The following MAN2C1 variants were observed in gnomAD, a reference collection of about 807,000 sequenced individuals.
MAN2C1 encodes mannosidase alpha class 2C member 1.
In MAN2C1, 111 loss-of-function variants were observed where a neutral mutation model predicts 126.9. The observed-to-expected ratio is 0.87, with a 90% CI of 0.75 to 1.02. MAN2C1 has a LOEUF of 1.02. Among genes scored for constraint, MAN2C1 ranks in the 50% least tolerant of loss-of-function variants. The pLI is 0.00. For missense variants in MAN2C1, 1,363 were observed against 1,364.4 expected (o/e 1.00, Z 0.02); for synonymous variants, 567 against 561.5 (o/e 1.01, Z -0.14).
At position 75,358,443 on chromosome 15, in the gene MAN2C1, C is replaced by A. The variant is rs1401352489; in HGVS notation, c.2403+19G>T. 3.1e-6 allele frequency: 5 copies of A among 1,613,134 alleles called. No individual in the cohort carries two copies. Among genetic ancestry groups the A allele is most frequent in the South Asian group, 1.1e-5 (1 of 91,084 alleles). On this transcript the variant is annotated intron_variant, in intron 20 of 25. Transcript: ENST00000267978. The stretch of plus-strand genomic sequence containing the variant: ...CAAGCACACTTGGGGAAAACAGCCA[C>A]CCCCTACCCCCCGACTACCTCGGTG...
rs1251905204 is a variant in MAN2C1, at chr15:75,359,655, A to G, written c.1913T>C (p.Met638Thr). 6.2e-7 allele frequency: 1 copy of G among 1,614,116 alleles called. No homozygotes were observed. Among genetic ancestry groups the G allele is most frequent in the African/African-American group, 1.3e-5 (1 of 75,070 alleles). The change falls in exon 16 of 26, where the codon ATG (methionine) becomes ACG (threonine). Residue 638 changes from methionine to threonine, a missense_variant. Met to Thr is a moderately conservative substitution (Grantham distance 81). Transcript: ENST00000267978. ...GGCCCCGCCCGGTTTGGGCAGGGCC[A>G]TCACTTCGATCCGCTTCCAGGGCAG... is the stretch of plus-strand genomic sequence containing the variant. ...NTLPWKRIEV[M>T]ALPKPGGAHS...
In MAN2C1 at chr15:75,364,477, G is replaced by A. The variant is rs373346692; in HGVS notation, c.600+11C>T. On this transcript the variant is annotated intron_variant, in intron 5 of 25. Transcript: ENST00000267978. ...TAGAGGGTAGCAGGGGGTACAGGGG[G>A]TGTCAAGTACCTTGGCTATGCCCAG... 3.8e-6 allele frequency: 6 copies of A among 1,571,042 alleles called. No homozygotes were observed. The highest frequency in any genetic ancestry group is 1.2e-5 in the South Asian group (1 of 85,754).
Position 75,362,554 on chromosome 15 carries a change from T to A in MAN2C1, c.897+88A>T. 1 of 1,532,108 alleles carries A rather than the reference T, an allele frequency of 6.5e-7. No homozygotes were observed. The highest frequency in any genetic ancestry group is 8.9e-7 in the Non-Finnish European group (1 of 1,117,484). The allele number at this position is 1,532,108 out of a possible 1,614,324, so 94.9% of individuals were successfully genotyped here. A position where few individuals can be genotyped will look rare whatever the true frequency, so the allele number is the denominator to read the frequency against. Reference sequence around the variant, plus strand: ...TGTGGCTGAGGGTGAGGAGCAGCCCTGACCCCAGGCCTGGGAAGCCTTCAG... The same window carrying A: ...TGTGGCTGAGGGTGAGGAGCAGCCCAGACCCCAGGCCTGGGAAGCCTTCAG... On this transcript the variant is annotated intron_variant, in intron 7 of 25. Transcript: ENST00000267978. The surrounding 1 kb of genome is among the most constrained non-coding windows in gnomAD (Gnocchi z 4.5).
chr15:75,364,724 G>C, intron 4 of MAN2C1, 59 bp from the exon 5 acceptor site: 1 of 1,461,018 alleles, frequency 6.8e-7, no homozygotes, highest in Non-Finnish European at 9.1e-7. Flanking sequence ...CCGGGGACTT[G>C]GGGAAGGGGC....
chr15:75,358,339 G>T lies in MAN2C1; in HGVS notation c.2409C>A (p.His803Gln), dbSNP rs199538581. ...CPYVRFHTEVHWHEAHKFLKV... is the reference protein window; with the variant it reads ...CPYVRFHTEVQWHEAHKFLKV... ...TCAGGAACTTGTGGGCCTCATGCCAGTGTACCTGGGAGTGGGAAGGAGGGT... is the reference window on the plus strand; with the variant it reads ...TCAGGAACTTGTGGGCCTCATGCCATTGTACCTGGGAGTGGGAAGGAGGGT... Residue 803 changes from histidine (H) to glutamine (Q), a missense_variant, in exon 21 of 26, where the codon CAC becomes CAA. This residue lies in a region of MAN2C1 where 668 missense variants were observed against 650.1 expected (regional missense o/e 1.03). Coordinates refer to ENST00000267978, the MANE Select transcript of MAN2C1 (RefSeq NM_006715.4). 3 of 1,614,180 alleles carry T rather than the reference G, an allele frequency of 1.9e-6. No homozygotes were observed. The highest frequency in any genetic ancestry group is 1.3e-5 in the African/African-American group (1 of 75,064).
Position 75,362,049 on chromosome 15 carries a change from C to G in MAN2C1, c.1009-102G>C, listed in dbSNP as rs2072481429. On this transcript the variant is annotated intron_variant, in intron 8 of 25. Transcript: ENST00000267978. This position sits in a 1 kb window ranked among gnomAD's most constrained non-coding sequence, Gnocchi z 4.5. ...CCCTGCAGGAGAAGCCAGGGCTGCTCAAACATGGGAGTTACAGCCAGAACT... is the reference window on the plus strand; with the variant it reads ...CCCTGCAGGAGAAGCCAGGGCTGCTGAAACATGGGAGTTACAGCCAGAACT... 1 of 900,866 alleles carries G rather than the reference C, an allele frequency of 1.1e-6. No homozygotes were observed. Among genetic ancestry groups the G allele is most frequent in the African/African-American group, 1.6e-5 (1 of 61,034 alleles). The allele number at this position is 900,866 out of a possible 1,614,324, so 55.8% of individuals were successfully genotyped here.
Position 75,361,981 on chromosome 15 carries a change from C to A in MAN2C1, c.1009-34G>T, listed in dbSNP as rs772850285. ...GAAGGAAGTGGGAGGCAGCCCAGGT[C>A]AGCGCTGGACGGGGAGCAGGCAGGC... On this transcript the variant is annotated intron_variant, in intron 8 of 25. Transcript: ENST00000267978. The surrounding 1 kb of genome is among the most constrained non-coding windows in gnomAD (Gnocchi z 5.0). 1.3e-6 allele frequency: 2 copies of A among 1,533,602 alleles called. No individual in the cohort carries two copies. Among genetic ancestry groups the A allele is most frequent in the Non-Finnish European group, 9.0e-7 (1 of 1,107,764 alleles). 95.0% of individuals were successfully genotyped at this position (1,533,602 alleles called of 1,614,324 possible).
Position 75,368,081 on chromosome 15 carries a change from G to A in MAN2C1, c.219C>T (p.Phe73=). Residue 73 remains phenylalanine, a synonymous_variant, in exon 2 of 26, where the codon TTC becomes TTT. Coordinates refer to ENST00000267978, the MANE Select transcript of MAN2C1 (RefSeq NM_006715.4). ...DFRPAQVGDS[F]GPTWWTCWFR... Reference sequence around the variant, plus strand: ...CGCTGGGCGTTACCTACGTGGGTCCGAAGCTGTCGCCGACCTGCGCGGGGC... The same window carrying A: ...CGCTGGGCGTTACCTACGTGGGTCCAAAGCTGTCGCCGACCTGCGCGGGGC... 6.2e-7 allele frequency: 1 copy of A among 1,606,920 alleles called. No homozygotes were observed. Among genetic ancestry groups the A allele is most frequent in the Non-Finnish European group, 8.5e-7 (1 of 1,177,798 alleles).
intron 13 of MAN2C1, 171 bp from the exon 14 acceptor site, chr15:75,360,382 C>T (rs748593214): frequency 2.9e-5 from 37 of 1,294,480 alleles, no homozygotes; most frequent in Non-Finnish European, 3.8e-5. Context: ...CAGCCCAAAC[C>T]CTTCTTTCTT....
In MAN2C1 at chr15:75,359,169, C is replaced by A. The variant is rs1414033254; in HGVS notation, c.2047-16G>T. 2 of 1,613,706 alleles carry A rather than the reference C, an allele frequency of 1.2e-6. No individual in the cohort carries two copies. The highest frequency in any genetic ancestry group is 4.5e-5 in the East Asian group (2 of 44,878). On this transcript the variant is annotated splice_polypyrimidine_tract_variant and intron_variant, in intron 17 of 25. Transcript: ENST00000267978. Reference sequence around the variant, plus strand: ...AGCCATCAGTCTTTGTGGGAGGAGGCCTTGAGGCTGAGTCTGTAGGGGCTT... The same window carrying A: ...AGCCATCAGTCTTTGTGGGAGGAGGACTTGAGGCTGAGTCTGTAGGGGCTT...
rs781750818 is a variant in MAN2C1, at chr15:75,356,878, GATCC to G, written c.2568_2571del (p.Met856IlefsTer52). ...GCCAGCCCAAAGCCGTGTTCTGACA[GATCC>G]ATCCAGCGATGGGCCCACACCTGGA... On this transcript the variant is annotated frameshift_variant, in exon 22 of 26. Transcript: ENST00000267978. LOFTEE classifies it high-confidence loss of function. The surrounding 1 kb of genome is among the most constrained non-coding windows in gnomAD (Gnocchi z 5.8). 9.7e-5 allele frequency: 156 copies of G among 1,614,008 alleles called. No homozygotes were observed. Among genetic ancestry groups the G allele is most frequent in the Non-Finnish European group, 1.3e-4 (148 of 1,180,054 alleles).
At chr15:75,365,624 G>A in intron 4 of MAN2C1, 1 of 202,006 alleles carries the variant, frequency 5.0e-6, no homozygotes, top group Non-Finnish European at 1.0e-5. Context: ...TAGTAGGGAG[G>A]CTGAGGCAGG....
Position 75,359,781 on chromosome 15 carries a change from G to A in MAN2C1, c.1793-6C>T, listed in dbSNP as rs764333480. The A allele has an allele frequency of 6.2e-7, 1 of 1,613,690 alleles. No homozygotes were observed. Among genetic ancestry groups the A allele is most frequent in the African/African-American group, 1.3e-5 (1 of 74,956 alleles). On this transcript the variant is annotated splice_polypyrimidine_tract_variant and splice_region_variant and intron_variant, in intron 15 of 25. Transcript: ENST00000267978. ...ATTGCCATGGGAACGGATGTCTGAG[G>A]AAAGACTGGCTGGTCATAGGTGGGC...
chr15:75,368,534 A>C lies in MAN2C1; in HGVS notation c.50T>G (p.Val17Gly), dbSNP rs914902869. Residue 17 changes from valine (V) to glycine (G), a missense_variant, in exon 1 of 26, where the codon GTG becomes GGG. By Grantham distance (109) the Val-to-Gly change is moderately radical. This residue lies in a region of MAN2C1 where 628 missense variants were observed against 609.8 expected (regional missense o/e 1.03). Transcript: ENST00000267978. The part of the protein sequence containing the change: ...LKHWRTTLER[V>G]EKFVSPLYFT... ...GTAGAGCGGCGACACGAACTTCTCCACCCGCTCCAGCGTGGTGCGCCAGTG... is the reference window on the plus strand; with the variant it reads ...GTAGAGCGGCGACACGAACTTCTCCCCCCGCTCCAGCGTGGTGCGCCAGTG... 1.3e-6 allele frequency: 2 copies of C among 1,554,556 alleles called. No homozygotes were observed. Among genetic ancestry groups the C allele is most frequent in the Non-Finnish European group, 1.7e-6 (2 of 1,150,174 alleles).
chr15:75,365,003 C>A (rs1414721485), intron 4 of MAN2C1, among the ~76,000 whole-genome samples: 1 of 152,140 alleles, frequency 6.6e-6, no homozygotes, highest in Non-Finnish European at 1.5e-5. Context: ...TTCGGATCTC[C>A]CAGGCTCAAA....
chr15:75,361,321 C>T lies in MAN2C1; in HGVS notation c.1279G>A (p.Gly427Ser), dbSNP rs2072464319. Residue 427 changes from glycine to serine, a missense_variant, in exon 11 of 26, where the codon GGC becomes AGC. By Grantham distance (56) the Gly-to-Ser change is moderately conservative (BLOSUM62 0). Coordinates refer to ENST00000267978, the MANE Select transcript of MAN2C1 (RefSeq NM_006715.4). The surrounding 1 kb of genome is among the most constrained non-coding windows in gnomAD (Gnocchi z 5.0). ...GSRVLVHFPP[G>S]DSYGMQGSVE... ...CTGCCCTGCATCCCATAGGAGTCGC[C>T]AGGTGGGAAGTGGACCAGTACACGG... 6.4e-7 allele frequency: 1 copy of T among 1,569,076 alleles called. No individual in the cohort carries two copies. The highest frequency in any genetic ancestry group is 1.3e-5 in the African/African-American group (1 of 74,290).
chr15:75,361,164 C>T lies in MAN2C1; in HGVS notation c.1342G>A (p.Asp448Asn). ...GCACTGTGGTTGGCCCGCCCCTTGT[C>T]CCGGTTGTTGGCCACGGTCTTCAGC... ...EVLKTVANNR[D>N]KGRANHSAFL... Residue 448 changes from aspartate (D) to asparagine (N), a missense_variant, in exon 12 of 26, where the codon GAC becomes AAC. Coordinates refer to ENST00000267978, the MANE Select transcript of MAN2C1 (RefSeq NM_006715.4). This position sits in a 1 kb window ranked among gnomAD's most constrained non-coding sequence, Gnocchi z 5.0. 1 of 1,613,180 alleles carries T rather than the reference C, an allele frequency of 6.2e-7. No homozygotes were observed. Among genetic ancestry groups the T allele is most frequent in the Non-Finnish European group, 8.5e-7 (1 of 1,179,740 alleles).
In MAN2C1 at chr15:75,362,293, G is replaced by C. The variant is rs1567281547; in HGVS notation, c.1008+50C>G. ...GCCGGGAGGGCGGGGCTACCTGAGG[G>C]AAGGCTGTTGTCATACAGTTCAAGG... On this transcript the variant is annotated intron_variant, in intron 8 of 25. Transcript: ENST00000267978. The surrounding 1 kb of genome is among the most constrained non-coding windows in gnomAD (Gnocchi z 4.5). The C allele has an allele frequency of 6.5e-7, 1 of 1,532,506 alleles. No individual in the cohort carries two copies. Among genetic ancestry groups the C allele is most frequent in the Non-Finnish European group, 9.0e-7 (1 of 1,108,168 alleles). The allele number at this position is 1,532,506 out of a possible 1,614,324, so 94.9% of individuals were successfully genotyped here.
rs1238833074 is a variant in MAN2C1 at position 75,356,244 on chromosome 15, A to AG, written c.2887-26dup. 6.2e-7 allele frequency: 1 copy of AG among 1,612,180 alleles called. No individual in the cohort carries two copies. The highest frequency in any genetic ancestry group is 1.7e-5 in the Admixed American group (1 of 59,872). On this transcript the variant is annotated intron_variant, in intron 24 of 25. Coordinates refer to ENST00000267978, the MANE Select transcript of MAN2C1 (RefSeq NM_006715.4). This position sits in a 1 kb window ranked among gnomAD's most constrained non-coding sequence, Gnocchi z 5.8. ...CCTGCAGAGGAACACGTCTGGTGGGAGGGGCCGAGGGCAGGCCCAGTTCGG... is the reference window on the plus strand; with the variant it reads ...CCTGCAGAGGAACACGTCTGGTGGGAGGGGGCCGAGGGCAGGCCCAGTTCGG...
Sources: allele counts gnomAD v4.1 joint callset (sites outside exome capture counted in the v4.1 genomes callset), GRCh38; gene constraint gnomAD v4.1.1; regional missense constraint gnomAD v4.1.1; non-coding constraint Gnocchi (gnomAD v3.1); transcripts MANE v1.5; gene names NCBI Gene and HGNC (gene_info 2026-07-23, HGNC 2026-07-21).